The following PACRGL variants were observed in gnomAD, a reference collection of about 807,000 sequenced individuals.
The protein encoded by PACRGL is PACRG-like protein.
Under a neutral mutation model 34.5 loss-of-function variants are expected in PACRGL, and 38 were observed. The observed-to-expected ratio is 1.10, with a 90% CI of 0.85 to 1.44. The LOEUF (loss-of-function observed/expected upper bound fraction) is 1.44, where lower values mean the gene tolerates loss of function less well. Among genes scored for constraint, PACRGL ranks in the 40% most tolerant of loss-of-function variants. The probability of loss-of-function intolerance (pLI) is 0.00; values close to 1 mark genes in which losing one functional copy is unlikely to be tolerated. For synonymous variants in PACRGL, 128 were observed against 100.1 expected (o/e 1.28, Z -1.66); for missense variants, 305 against 281.4 (o/e 1.08, Z -0.60).
chr4:20,740,801 T>C (rs915877901), intron 8 of PACRGL, among the ~76,000 whole-genome samples: 1 of 152,110 alleles, frequency 6.6e-6, no homozygotes. Flanking sequence ...TCAAGATCCA[T>C]CAGTGTGCTG....
chr4:20,740,847 A>G (rs897890285), intron 8 of PACRGL, among the ~76,000 whole-genome samples: 3 of 152,204 alleles, frequency 2.0e-5, no homozygotes, highest in African/African-American at 7.2e-5. Context: ...AGAGACAAAC[A>G]TAGGCTCAAA....
intron 7 of PACRGL, among the ~76,000 whole-genome samples, chr4:20,721,753 G>T (rs1180404559): frequency 6.6e-6 from 1 of 152,196 alleles, no homozygotes; most frequent in Non-Finnish European, 1.5e-5. Context: ...GTGCCTCTCA[G>T]TTAGGCTACT....
At position 20,730,206 on chromosome 4, in the gene PACRGL, G is replaced by T; in HGVS notation, c.*2865G>T. 6.1e-6 allele frequency: 9 copies of T among 1,484,924 alleles called. No homozygotes were observed. Among genetic ancestry groups the T allele is most frequent in the Non-Finnish European group, 3.6e-6 (4 of 1,112,656 alleles). 92.0% of individuals were successfully genotyped at this position (1,484,924 alleles called of 1,614,324 possible). A position where few individuals can be genotyped will look rare whatever the true frequency, so the allele number is the denominator to read the frequency against. The stretch of plus-strand genomic sequence containing the variant: ...GTACACTATTTTGCCCCTGAGTATT[G>T]CCTCCTCCCATCAACCACCTCAACC... On this transcript the variant is annotated 3_prime_UTR_variant, in exon 9 of 9. Coordinates refer to ENST00000503585, the MANE Select transcript of PACRGL (RefSeq NM_001258345.3).
the PACRGL span, among the ~76,000 whole-genome samples, chr4:20,761,675 A>G: frequency 2.0e-5 from 3 of 152,148 alleles, no homozygotes; most frequent in Non-Finnish European, 2.9e-5. Context: ...CTCTGCATCA[A>G]CAAATTTGTT....
Position 20,724,781 on chromosome 4 carries a change from C to G in PACRGL, c.610-27C>G, listed in dbSNP as rs577772710. ...AGCATTGTTAAGTTTAAAGTCATTT[C>G]GTTTCCCCCTAATCTTACTTTAAAA... On this transcript the variant is annotated intron_variant, in intron 7 of 8. Coordinates refer to ENST00000503585, the MANE Select transcript of PACRGL (RefSeq NM_001258345.3). 2.3e-6 allele frequency: 3 copies of G among 1,323,920 alleles called. No homozygotes were observed. The African/African-American group carries it at 4.5e-5, about 20-fold the overall frequency. 82.0% of individuals were successfully genotyped at this position (1,323,920 alleles called of 1,614,324 possible). A position where few individuals can be genotyped will look rare whatever the true frequency, so the allele number is the denominator to read the frequency against.
At chr4:20,697,621 G>T (rs186512743), upstream of PACRGL, among the ~76,000 whole-genome samples, 62 of 152,310 alleles carry the variant, frequency 4.1e-4, no homozygotes, top group African/African-American at 1.5e-3. Context: ...TTGCCATTTA[G>T]AAAGTTTTTT....
At chr4:20,734,114 T>A (rs1749024508), downstream of PACRGL, among the ~76,000 whole-genome samples, 1 of 152,162 alleles carries the variant, frequency 6.6e-6, no homozygotes, top group African/African-American at 2.4e-5. Flanking sequence ...TCTTTACTTC[T>A]CGCTGTGTTT....
chr4:20,735,870 T>TA (rs1217223319), downstream of PACRGL, among the ~76,000 whole-genome samples: 1 of 152,186 alleles, frequency 6.6e-6, no homozygotes, highest in African/African-American at 2.4e-5. Flanking sequence ...GGGTTAACGT[T>TA]ACAATGTGCT....
chr4:20,766,564 T>TCAAA, the PACRGL span, among the ~76,000 whole-genome samples: 295 of 152,112 alleles, frequency 1.9e-3, 1 homozygote, highest in African/African-American at 4.0e-3. Flanking sequence ...AAACTCCATC[T>TCAAA]CAAACAAACA....
At chr4:20,721,705 C>T (rs1479419055) in intron 7 of PACRGL, among the ~76,000 whole-genome samples, 3 of 152,198 alleles carry the variant, frequency 2.0e-5, no homozygotes, top group African/African-American at 7.2e-5. Flanking sequence ...CAGAGGGGTA[C>T]TCGGCCGTGT....
At position 20,739,045 on chromosome 4, in the gene PACRGL, C is replaced by G. The variant is rs373459400; in HGVS notation, c.*56+11648C>G. Among the ~76,000 whole-genome samples the G allele has an allele frequency of 2.6e-5, 4 of 152,154 alleles. No individual in the cohort carries two copies. In the East Asian group the frequency reaches 7.7e-4, roughly 29 times the overall value. On this transcript the variant is annotated intron_variant, in intron 8 of 8. Transcript: ENST00000507634. ...GGCAACAGTGAGGCTGAGGGAGGGG[C>G]GTCCACCATTGCTGAGACTTGACTA... is the stretch of plus-strand genomic sequence containing the variant.
At chr4:20,716,800 G>A (rs1048758524) in intron 7 of PACRGL, among the ~76,000 whole-genome samples, 3 of 152,170 alleles carry the variant, frequency 2.0e-5, no homozygotes, top group African/African-American at 4.8e-5. Context: ...ACATACATGT[G>A]CATGTGTCTT....
At chr4:20,721,801 G>T (rs550119367) in intron 7 of PACRGL, among the ~76,000 whole-genome samples, 2 of 152,200 alleles carry the variant, frequency 1.3e-5, no homozygotes, top group African/African-American at 4.8e-5. Flanking sequence ...CAGTCTGTCC[G>T]TTCTCAGATC....
At chr4:20,711,260 A>G (rs1737048706) in intron 5 of PACRGL, among the ~76,000 whole-genome samples, 1 of 152,138 alleles carries the variant, frequency 6.6e-6, no homozygotes, top group South Asian at 2.1e-4. Flanking sequence ...ATATCCTTAA[A>G]GGGACTCTAA....
downstream of PACRGL, chr4:20,732,592 G>T: frequency 1.3e-6 from 1 of 795,156 alleles, no homozygotes; most frequent in Non-Finnish European, 2.2e-6. Context: ...ATTTTCCTTT[G>T]CTCTCTTTTG....
intron 7 of PACRGL, among the ~76,000 whole-genome samples, chr4:20,714,614 G>T (rs966745317): frequency 2.0e-5 from 3 of 152,040 alleles, no homozygotes; most frequent in Admixed American, 6.6e-5. Flanking sequence ...TTACAATTTG[G>T]CATGATTTTG....
downstream of PACRGL, among the ~76,000 whole-genome samples, chr4:20,755,998 T>C (rs1355780467): frequency 6.6e-6 from 1 of 152,120 alleles, no homozygotes; most frequent in Non-Finnish European, 1.5e-5. Flanking sequence ...TGGAATGGTA[T>C]GGTTTCGAAC....
intron 3 of PACRGL, among the ~76,000 whole-genome samples, chr4:20,705,222 T>G (rs1733988664): frequency 6.6e-6 from 1 of 152,316 alleles, no homozygotes; most frequent in Middle Eastern, 3.4e-3. Context: ...ATCCTAGTTG[T>G]AGTACTAACC....
intron 8 of PACRGL, among the ~76,000 whole-genome samples, chr4:20,742,290 C>T (rs1043682511): frequency 1.3e-5 from 2 of 152,194 alleles, no homozygotes; most frequent in Non-Finnish European, 2.9e-5. Context: ...ACCAATATCC[C>T]TGCTGAACAT....
Sources: gnomAD v4.1 joint callset for allele counts (sites outside exome capture counted in the v4.1 genomes callset) on GRCh38, gnomAD v4.1.1 for gene constraint, MANE v1.5 for transcripts, NCBI Gene and HGNC (gene_info 2026-07-23, HGNC 2026-07-21) for gene names.